ZNF536: variants seen among roughly 807,000 people sequenced by gnomAD.
ZNF536 encodes the protein zinc finger protein 536.
In ZNF536, 13 loss-of-function variants were observed where a neutral mutation model predicts 84.5. The ratio of observed to expected loss-of-function variants is 0.15; its 90% CI spans 0.10 to 0.24. ZNF536 has a LOEUF of 0.24. Ranked by LOEUF, ZNF536 falls within the 10% of genes least tolerant of loss-of-function variation. The pLI is 1.00. For missense variants in ZNF536, 1,536 were observed against 1,747.5 expected (o/e 0.88, Z 2.16); for synonymous variants, 811 against 742.5 (o/e 1.09, Z -1.50).
intron 1 of ZNF536, among the ~76,000 whole-genome samples, chr19:30,418,935 T>G (rs1344076762): frequency 6.6e-6 from 1 of 152,242 alleles, no homozygotes; most frequent in Non-Finnish European, 1.5e-5. Context: ...ATGGATTTTC[T>G]TTTATTTTAA....
chr19:30,333,144 C>T (rs767986101), intron 2 of ZNF536, among the ~76,000 whole-genome samples: 3 of 151,442 alleles, frequency 2.0e-5, no homozygotes, highest in Non-Finnish European at 2.9e-5. Flanking sequence ...GAGTGAGACC[C>T]TGTCTTCAAC....
At chr19:30,295,935 C>T (rs1048334796) in intron 2 of ZNF536, among the ~76,000 whole-genome samples, 1 of 152,188 alleles carries the variant, frequency 6.6e-6, no homozygotes, top group Non-Finnish European at 1.5e-5. Context: ...ACTCCTGGCT[C>T]CCTCTTGCAT....
chr19:30,384,528 AAT>A (rs2147241939), intron 1 of ZNF536, among the ~76,000 whole-genome samples: 1 of 151,502 alleles, frequency 6.6e-6, no homozygotes, highest in South Asian at 2.1e-4. Context: ...TTTCCTATTG[AAT>A]CATGTCCTGG....
chr19:30,316,361 T>C (rs2046678136), intron 2 of ZNF536, among the ~76,000 whole-genome samples: 1 of 152,238 alleles, frequency 6.6e-6, no homozygotes, highest in African/African-American at 2.4e-5. Context: ...ATGTCCCTCA[T>C]TCAGAGTACA....
At chr19:30,443,468 G>T (rs2148139818) in intron 1 of ZNF536, 93 bp from the exon 2 acceptor site, 1 of 1,468,618 alleles carries the variant, frequency 6.8e-7, no homozygotes. Flanking sequence ...TGTAGGTAAG[G>T]CATGAAATGG....
intron 3 of ZNF536, among the ~76,000 whole-genome samples, chr19:30,544,584 A>G (rs1163221623): frequency 6.6e-6 from 1 of 152,040 alleles, no homozygotes; most frequent in Non-Finnish European, 1.5e-5. Context: ...CTGCTATATG[A>G]TATGTCTCCT....
chr19:30,457,042 AAAAAAAAAAAAAAAC>A (rs1015195735), intron 2 of ZNF536, among the ~76,000 whole-genome samples: 3 of 29,998 alleles, frequency 1.0e-4, no homozygotes, highest in African/African-American at 2.5e-4. Flanking sequence ...ACTTCATCTC[AAAAAAAAAAAAAAAC>A]AAAAAAAAAG....
intron 1 of ZNF536, among the ~76,000 whole-genome samples, chr19:30,381,194 T>A (rs945352253): frequency 6.6e-6 from 1 of 152,162 alleles, no homozygotes; most frequent in South Asian, 2.1e-4. Context: ...ATATATCTAA[T>A]AATCAGCACA....
intron 2 of ZNF536, among the ~76,000 whole-genome samples, chr19:30,453,756 G>C (rs998266454): frequency 6.6e-6 from 1 of 152,224 alleles, no homozygotes; most frequent in East Asian, 1.9e-4. Flanking sequence ...TGGGCAAAAC[G>C]GGGGCCATGC....
At chr19:30,656,920 C>G (rs2049935834) in intron 1 of ZNF536, among the ~76,000 whole-genome samples, 3 of 152,152 alleles carry the variant, frequency 2.0e-5, no homozygotes, top group Admixed American at 1.3e-4. Flanking sequence ...GCTTTGAAGG[C>G]CTTTCTTTCC....
intron 1 of ZNF536, among the ~76,000 whole-genome samples, chr19:30,633,211 G>A (rs1397216975): frequency 6.6e-6 from 1 of 152,192 alleles, no homozygotes; most frequent in Non-Finnish European, 1.5e-5. Flanking sequence ...ATGGAATCTA[G>A]CTGTCAAACG....
intron 2 of ZNF536, among the ~76,000 whole-genome samples, chr19:30,302,607 C>T (rs1476037240): frequency 1.3e-5 from 2 of 152,086 alleles, no homozygotes. Context: ...AGAAAGTGTC[C>T]TCTTTGGGAG....
At chr19:30,389,425 A>T (rs2049486986) in intron 1 of ZNF536, among the ~76,000 whole-genome samples, 1 of 152,114 alleles carries the variant, frequency 6.6e-6, no homozygotes, top group South Asian at 2.1e-4. Context: ...GTAAAAAAAA[A>T]TTCCCTTTTT....
chr19:30,319,639 T>C (rs2046792627), intron 2 of ZNF536, among the ~76,000 whole-genome samples: 1 of 152,240 alleles, frequency 6.6e-6, no homozygotes, highest in Admixed American at 6.5e-5. Context: ...TATTTATATC[T>C]CTTGTTAAAC....
At chr19:30,662,108 C>T (rs779646348) in intron 1 of ZNF536, among the ~76,000 whole-genome samples, 5 of 152,342 alleles carry the variant, frequency 3.3e-5, no homozygotes, top group Non-Finnish European at 7.4e-5. Context: ...CCCTCCGATG[C>T]CATCTCCTGC....
chr19:30,580,054 C>G (rs2046866313), intron 1 of ZNF536, among the ~76,000 whole-genome samples: 1 of 152,228 alleles, frequency 6.6e-6, no homozygotes, highest in African/African-American at 2.4e-5. Flanking sequence ...AGCCCCTGGC[C>G]TCCCTCTCCC....
At chr19:30,439,303 T>G (rs997577588) in intron 1 of ZNF536, among the ~76,000 whole-genome samples, 10 of 152,214 alleles carry the variant, frequency 6.6e-5, no homozygotes, top group Admixed American at 5.9e-4. Context: ...GCCCCTTAGA[T>G]GAACAGGCCC....
chr19:30,477,228 C>G (rs6417171), intron 2 of ZNF536, among the ~76,000 whole-genome samples: 63,779 of 152,012 alleles, frequency 0.42, 16,290 homozygotes, highest in African/African-American at 0.7. Context: ...ATTTGGTATT[C>G]TTTTATTTCC....
chr19:30,700,230 TTCTTTCTTTC>T (rs1305390033), intron 1 of ZNF536, among the ~76,000 whole-genome samples: 5 of 132,884 alleles, frequency 3.8e-5, no homozygotes, highest in African/African-American at 1.1e-4. Flanking sequence ...CTTTCTTTCT[TTCTTTCTTTC>T]TCTCTCTCTC....
Sources: allele counts gnomAD v4.1 joint callset (sites outside exome capture counted in the v4.1 genomes callset), GRCh38; gene constraint gnomAD v4.1.1; transcripts MANE v1.5; gene names NCBI Gene and HGNC (gene_info 2026-07-23, HGNC 2026-07-21).